Variants in RMST observed in about 807,000 individuals in gnomAD.
RMST encodes rhabdomyosarcoma 2 associated transcript, also known as long intergenic non-protein coding RNA 54.
intron 11 of RMST, among the ~76,000 whole-genome samples, chr12:97,555,881 G>T (rs1438482249): frequency 6.6e-6 from 1 of 152,116 alleles, no homozygotes; most frequent in African/African-American, 2.4e-5. Flanking sequence ...CAATTTTACC[G>T]GCTGGCTTCA....
chr12:97,554,333 C>T (rs1273304433), intron 11 of RMST, among the ~76,000 whole-genome samples: 2 of 152,056 alleles, frequency 1.3e-5, no homozygotes, highest in African/African-American at 4.8e-5. Flanking sequence ...CATTATTAAT[C>T]GTATTAATGA....
intron 11 of RMST, among the ~76,000 whole-genome samples, chr12:97,535,548 C>T (rs1882004304): frequency 1.3e-5 from 2 of 150,136 alleles, no homozygotes; most frequent in Admixed American, 1.3e-4. Context: ...AAGAAACTCA[C>T]ACTCAGATTG....
chr12:97,485,047 G>T (rs1427417350), intron 5 of RMST, among the ~76,000 whole-genome samples: 1 of 152,200 alleles, frequency 6.6e-6, no homozygotes, highest in Non-Finnish European at 1.5e-5. Flanking sequence ...AATTTGTGCT[G>T]AGGTTAACAT....
At chr12:97,519,015 C>A (rs1211779033) in intron 10 of RMST, among the ~76,000 whole-genome samples, 1 of 152,150 alleles carries the variant, frequency 6.6e-6, no homozygotes, top group Non-Finnish European at 1.5e-5. Flanking sequence ...TGGCCTCAAG[C>A]TATTGTCCTG....
chr12:97,553,949 CTTTTTTT>C (rs756008010), intron 11 of RMST, among the ~76,000 whole-genome samples: 64 of 120,268 alleles, frequency 5.3e-4, no homozygotes, highest in African/African-American at 1.4e-3. Flanking sequence ...TTTTCTTTCT[CTTTTTTT>C]TTTTTTTTTT....
chr12:97,546,198 GA>G (rs1882916167), intron 11 of RMST, among the ~76,000 whole-genome samples: 1 of 152,046 alleles, frequency 6.6e-6, no homozygotes, highest in South Asian at 2.1e-4. Context: ...TGCTATTTTT[GA>G]GGACTTTTAA....
chr12:97,469,483 T>C (rs1453666282), intron 5 of RMST, among the ~76,000 whole-genome samples: 1 of 152,092 alleles, frequency 6.6e-6, no homozygotes, highest in Non-Finnish European at 1.5e-5. Flanking sequence ...ACTTTCTATA[T>C]GCCAGACAGT....
At chr12:97,532,209 T>C (rs1199643871) in intron 11 of RMST, among the ~76,000 whole-genome samples, 3 of 151,954 alleles carry the variant, frequency 2.0e-5, no homozygotes, top group African/African-American at 7.2e-5. Flanking sequence ...GGAGAATGTT[T>C]TTCTTTTAAT....
chr12:97,514,843 A>G (rs1404578180), intron 10 of RMST, among the ~76,000 whole-genome samples: 2 of 152,192 alleles, frequency 1.3e-5, no homozygotes, highest in African/African-American at 4.8e-5. Flanking sequence ...TCTGTTGCTG[A>G]TGAAATAGAA....
intron 10 of RMST, among the ~76,000 whole-genome samples, chr12:97,525,881 G>A (rs1881040512): frequency 6.6e-6 from 1 of 152,092 alleles, no homozygotes; most frequent in Non-Finnish European, 1.5e-5. Context: ...TACAACCTGA[G>A]CTTCGCCTCC....
At chr12:97,519,925 AG>A (rs1456764700) in intron 10 of RMST, among the ~76,000 whole-genome samples, 6 of 152,230 alleles carry the variant, frequency 3.9e-5, no homozygotes, top group African/African-American at 1.4e-4. Flanking sequence ...ATGTTATTCA[AG>A]ATTGTCTCAA....
chr12:97,487,254 T>TA (rs1170278580), intron 5 of RMST, among the ~76,000 whole-genome samples: 1 of 152,054 alleles, frequency 6.6e-6, no homozygotes, highest in Admixed American at 6.6e-5. Flanking sequence ...TGTGGAATCA[T>TA]AAAAAAAGGA....
At chr12:97,525,395 T>C (rs994372729) in intron 10 of RMST, among the ~76,000 whole-genome samples, 1 of 152,122 alleles carries the variant, frequency 6.6e-6, no homozygotes, top group East Asian at 1.9e-4. Flanking sequence ...GCCACTAGCA[T>C]GGGAAAGGGA....
intron 11 of RMST, among the ~76,000 whole-genome samples, chr12:97,548,302 A>C (rs556012102): frequency 6.6e-6 from 1 of 152,154 alleles, no homozygotes; most frequent in East Asian, 1.9e-4. Flanking sequence ...ATAGCTTTGT[A>C]GTATATTTTG....
At chr12:97,489,559 C>T (rs1281037423) in intron 5 of RMST, among the ~76,000 whole-genome samples, 2 of 151,920 alleles carry the variant, frequency 1.3e-5, no homozygotes, top group Admixed American at 6.6e-5. Context: ...TCTATTTTCT[C>T]AAAAATAGGG....
intron 10 of RMST, among the ~76,000 whole-genome samples, chr12:97,512,230 A>G (rs538366819): frequency 2.5e-4 from 38 of 152,082 alleles, no homozygotes; most frequent in African/African-American, 7.2e-4. Flanking sequence ...CGGTGGGTTC[A>G]TGGTCCCGCT....
rs549932382 is a variant in RMST at position 97,553,184 on chromosome 12, C to CT, written n.1546-7345dup. On this transcript the variant is annotated intron_variant and non_coding_transcript_variant, in intron 11 of 13. Transcript: ENST00000640149. ...TTATGTGCTAAACCCTGTGACCCAT[C>CT]TTTTTTTTATTTTTATTCTAATTAT... 9.5e-3 allele frequency among the ~76,000 whole-genome samples: 1,447 copies of CT among 152,074 alleles called. 24 individuals are homozygous for CT. Among genetic ancestry groups the CT allele is most frequent in the African/African-American group, 0.033 (1,364 of 41,460 alleles).
chr12:97,512,123 G>C (rs777562748), intron 10 of RMST, among the ~76,000 whole-genome samples: 3 of 152,120 alleles, frequency 2.0e-5, no homozygotes, highest in Non-Finnish European at 4.4e-5. Flanking sequence ...GTCTGGCCGA[G>C]TCTGGCGGAT....
intron 5 of RMST, among the ~76,000 whole-genome samples, chr12:97,478,601 A>G (rs1316347448): frequency 6.6e-6 from 1 of 152,192 alleles, no homozygotes; most frequent in Non-Finnish European, 1.5e-5. Context: ...AGTGAGTATA[A>G]TTGGCATTCC....
Sources: allele counts gnomAD v4.1 joint callset (sites outside exome capture counted in the v4.1 genomes callset), GRCh38; gene constraint gnomAD v4.1.1; transcripts MANE v1.5; gene names NCBI Gene and HGNC (gene_info 2026-07-23, HGNC 2026-07-21).